FREM1: variants seen among roughly 807,000 people sequenced by gnomAD.
The protein encoded by FREM1 is FRAS1-related extracellular matrix protein 1.
FREM1 carries 220 observed loss-of-function variants against 210.1 expected under a neutral mutation model. The ratio of observed to expected loss-of-function variants is 1.05; its 90% CI spans 0.94 to 1.17. FREM1 has a LOEUF of 1.17. Among genes scored for constraint, FREM1 ranks in the 50% most tolerant of loss-of-function variants. The pLI is 0.00. For missense variants in FREM1, 3,454 were observed against 2,675.5 expected (o/e 1.29, Z -6.42); for synonymous variants, 1,189 against 980.2 (o/e 1.21, Z -3.98).
At chr9:14,901,456 T>C (rs1033182919) in intron 1 of FREM1, among the ~76,000 whole-genome samples, 1 of 152,200 alleles carries the variant, frequency 6.6e-6, no homozygotes, top group African/African-American at 2.4e-5. Flanking sequence ...ATCTTGTTCG[T>C]TTCAGCCCAT....
In FREM1 at chr9:14,842,245, G is replaced by C. The variant is rs548597047; in HGVS notation, c.1738+71C>G. The C allele has an allele frequency of 6.3e-6, 6 of 955,416 alleles. No homozygotes were observed. The East Asian group carries it at 9.7e-5, about 15-fold the overall frequency. 59.2% of individuals were successfully genotyped at this position (955,416 alleles called of 1,614,324 possible). ...CTCGGACACAATTTCAGCAAACCCA[G>C]AAGGATGCATAGAAGGTTCTCTATG... On this transcript the variant is annotated intron_variant, in intron 9 of 36. Coordinates refer to ENST00000380880, the MANE Select transcript of FREM1 (RefSeq NM_001379081.2).
Position 14,836,145 on chromosome 9 carries a change from C to G in FREM1, c.1881+5302G>C, listed in dbSNP as rs769053340. Among the ~76,000 whole-genome samples, 2 of 152,336 alleles carry G rather than the reference C, an allele frequency of 1.3e-5. No homozygotes were observed. The highest frequency in any genetic ancestry group is 1.9e-4 in the East Asian group (1 of 5,182). On this transcript the variant is annotated intron_variant, in intron 10 of 36. Coordinates refer to ENST00000380880, the MANE Select transcript of FREM1 (RefSeq NM_001379081.2). This position sits in a 1 kb window ranked among gnomAD's most constrained non-coding sequence, Gnocchi z 4.9. ...TCATAGACCCCCAAAGGGGAGTTCTCTATCTTGGCAAGTAAAATTTTAGAT... is the reference window on the plus strand; with the variant it reads ...TCATAGACCCCCAAAGGGGAGTTCTGTATCTTGGCAAGTAAAATTTTAGAT...
intron 18 of FREM1, among the ~76,000 whole-genome samples, chr9:14,806,302 T>C (rs1489975870): frequency 6.7e-6 from 1 of 149,608 alleles, no homozygotes; most frequent in African/African-American, 2.5e-5. Flanking sequence ...GCTGTCCAGA[T>C]TGGAGTGCAA....
At chr9:14,764,663 C>G (rs1846071120) in intron 27 of FREM1, among the ~76,000 whole-genome samples, 1 of 152,168 alleles carries the variant, frequency 6.6e-6, no homozygotes, top group African/African-American at 2.4e-5. Context: ...GCCTGGGGTG[C>G]TGCTGAATGT....
intron 1 of FREM1, among the ~76,000 whole-genome samples, chr9:14,872,920 A>T (rs1832953534): frequency 6.6e-6 from 1 of 150,550 alleles, no homozygotes; most frequent in Non-Finnish European, 1.5e-5. Context: ...GCATCTATTG[A>T]GATAATCATG....
chr9:14,770,870 C>G (rs574681081), intron 25 of FREM1, 64 bp from the exon 26 acceptor site: 18 of 1,193,196 alleles, frequency 1.5e-5, no homozygotes, highest in Non-Finnish European at 2.1e-5. Flanking sequence ...CAACGTTGGG[C>G]TTTATTGGTT....
At chr9:14,885,884 T>A (rs1835721272) in intron 1 of FREM1, among the ~76,000 whole-genome samples, 1 of 152,198 alleles carries the variant, frequency 6.6e-6, no homozygotes, top group Admixed American at 6.5e-5. Context: ...CTTAGCAATT[T>A]TCAACTATAC....
At chr9:14,871,103 T>C (rs1224464869) in intron 1 of FREM1, among the ~76,000 whole-genome samples, 1 of 152,126 alleles carries the variant, frequency 6.6e-6, no homozygotes, top group Non-Finnish European at 1.5e-5. Flanking sequence ...TGAATGGAGC[T>C]GCAATAAACA....
At chr9:14,821,917 T>C (rs571262071) in intron 13 of FREM1, among the ~76,000 whole-genome samples, 1 of 152,332 alleles carries the variant, frequency 6.6e-6, no homozygotes, top group South Asian at 2.1e-4. Flanking sequence ...TTTGACCTCT[T>C]CACGTGGTTT....
intron 22 of FREM1, 114 bp from the exon 23 acceptor site, chr9:14,789,228 G>A: frequency 1.6e-6 from 1 of 625,188 alleles, no homozygotes; most frequent in East Asian, 3.1e-5. Context: ...ATATTTCAGG[G>A]AAATTCCAGA....
chr9:14,825,561 A>ATATATATATATATG lies in FREM1; in HGVS notation c.1882-570_1882-569insCATATATATATATA, dbSNP rs757382702. On this transcript the variant is annotated intron_variant, in intron 10 of 36. Transcript: ENST00000380880. ...TGTGTGTGTGTGTATATATATATAT[A>ATATATATATATATG]TATATATATACCACAATTATAGTGA... Among the ~76,000 whole-genome samples the ATATATATATATATG allele has an allele frequency of 1.2e-3, 154 of 129,098 alleles. 5 individuals are homozygous for ATATATATATATATG. Among genetic ancestry groups the ATATATATATATATG allele is most frequent in the African/African-American group, 4.7e-3 (149 of 31,974 alleles). 84.7% of individuals were successfully genotyped at this position (129,098 alleles called of 152,430 possible). A position where few individuals can be genotyped will look rare whatever the true frequency, so the allele number is the denominator to read the frequency against.
intron 1 of FREM1, among the ~76,000 whole-genome samples, chr9:14,898,591 A>C (rs1243713500): frequency 6.6e-6 from 1 of 152,114 alleles, no homozygotes; most frequent in African/African-American, 2.4e-5. Flanking sequence ...AAAATACAAA[A>C]ATCAGCCAGG....
At chr9:14,776,958 C>T (rs1373040766) in intron 24 of FREM1, among the ~76,000 whole-genome samples, 1 of 152,210 alleles carries the variant, frequency 6.6e-6, no homozygotes, top group Non-Finnish European at 1.5e-5. Flanking sequence ...TATTTTCCTG[C>T]TTCAAAGAAA....
chr9:14,869,006 A>G lies in FREM1; in HGVS notation c.-29T>C, dbSNP rs1832092713. 1 of 1,462,508 alleles carries G rather than the reference A, an allele frequency of 6.8e-7. No individual in the cohort carries two copies. The allele number at this position is 1,462,508 out of a possible 1,614,324, so 90.6% of individuals were successfully genotyped here. A position where few individuals can be genotyped will look rare whatever the true frequency, so the allele number is the denominator to read the frequency against. On this transcript the variant is annotated 5_prime_UTR_variant, in exon 2 of 37. Coordinates refer to ENST00000380880, the MANE Select transcript of FREM1 (RefSeq NM_001379081.2). ...GACAGGGCCCAACTCTTCTCTGTCC[A>G]CCGGCGAAATCCCTTTAACAAAGGA... is the stretch of plus-strand genomic sequence containing the variant.
chr9:14,742,926 A>C (rs941246853), intron 35 of FREM1, among the ~76,000 whole-genome samples: 1 of 152,090 alleles, frequency 6.6e-6, no homozygotes, highest in Non-Finnish European at 1.5e-5. Context: ...ACTAAATTCT[A>C]TCTCTTTCAT....
chr9:14,873,683 T>A (rs1215162857), intron 1 of FREM1, among the ~76,000 whole-genome samples: 1 of 152,196 alleles, frequency 6.6e-6, no homozygotes, highest in Non-Finnish European at 1.5e-5. Context: ...TCTGCTCTGA[T>A]TTTAGTTATT....
rs1457962235 is a variant in FREM1 at position 14,807,840 on chromosome 9, G to GT, written c.3088+99dup. 20 of 848,850 alleles carry GT rather than the reference G, an allele frequency of 2.4e-5. No homozygotes were observed. The African/African-American group carries it at 3.1e-4, about 13-fold the overall frequency. 52.6% of individuals were successfully genotyped at this position (848,850 alleles called of 1,614,324 possible). ...TATTGAAGGACAATTCCATATGGTG[G>GT]TTTTCTTTTTAGACTATAAATGAAA... is the stretch of plus-strand genomic sequence containing the variant. On this transcript the variant is annotated intron_variant, in intron 17 of 36. Transcript: ENST00000380880.
intron 27 of FREM1, among the ~76,000 whole-genome samples, chr9:14,765,708 C>T (rs1247956412): frequency 6.6e-6 from 1 of 152,170 alleles, no homozygotes; most frequent in Non-Finnish European, 1.5e-5. Context: ...TCTGTCCCTT[C>T]TCTTTTAAAG....
At chr9:14,883,435 G>T (rs1340211052) in intron 1 of FREM1, among the ~76,000 whole-genome samples, 5 of 152,020 alleles carry the variant, frequency 3.3e-5, no homozygotes, top group African/African-American at 1.2e-4. Context: ...TTTTTCTCTT[G>T]GTGTTGGGAA....
Sources: allele counts gnomAD v4.1 joint callset (sites outside exome capture counted in the v4.1 genomes callset), GRCh38; gene constraint gnomAD v4.1.1; non-coding constraint Gnocchi (gnomAD v3.1); transcripts MANE v1.5; gene names NCBI Gene and HGNC (gene_info 2026-07-23, HGNC 2026-07-21).